Variants in CTNNA2 observed in about 807,000 individuals in gnomAD.
CTNNA2 encodes catenin alpha-2.
A neutral mutation model predicts 101.0 loss-of-function variants in CTNNA2; 42 were observed. The observed-to-expected ratio is 0.42, with a 90% confidence interval of 0.32 to 0.54. The LOEUF is 0.54. Among genes scored for constraint, CTNNA2 ranks in the 20% least tolerant of loss-of-function variants. CTNNA2 has a pLI of 0.14. For missense variants in CTNNA2, 871 were observed against 1,223.1 expected (o/e 0.71, Z 4.29); for synonymous variants, 450 against 456.4 (o/e 0.99, Z 0.18).
At chr2:80,435,978 G>A (rs893798576) in intron 9 of CTNNA2, among the ~76,000 whole-genome samples, 1 of 152,262 alleles carries the variant, frequency 6.6e-6, no homozygotes, top group East Asian at 1.9e-4. Flanking sequence ...TCTCTGCCTA[G>A]TGATCTCCTG....
In CTNNA2 at chr2:79,769,115, A is replaced by G. The variant is rs533313007; in HGVS notation, c.298+24533A>G. Among the ~76,000 whole-genome samples the G allele has an allele frequency of 2.0e-4, 31 of 152,204 alleles. No individual in the cohort carries two copies. The East Asian group carries it at 5.4e-3, about 27-fold the overall frequency. On this transcript the variant is annotated intron_variant, in intron 3 of 18. Transcript: ENST00000402739. Reference sequence around the variant, plus strand: ...CGTGATCCGCCCGGCTCGGCCTCCCAAAGTGCTGGGATTACAGGCATGAGC... The same window carrying G: ...CGTGATCCGCCCGGCTCGGCCTCCCGAAGTGCTGGGATTACAGGCATGAGC...
intron 3 of CTNNA2, among the ~76,000 whole-genome samples, chr2:79,803,522 C>T (rs1401793260): frequency 1.3e-5 from 2 of 152,240 alleles, no homozygotes; most frequent in African/African-American, 2.4e-5. Flanking sequence ...TCTTAAGGCA[C>T]AGATCGCTTA....
intron 7 of CTNNA2, among the ~76,000 whole-genome samples, chr2:79,930,296 GA>G (rs765790890): frequency 1.9e-4 from 3 of 15,966 alleles, no homozygotes; most frequent in African/African-American, 5.3e-4. Context: ...GAGAGAAAGA[GA>G]AAGAAAGAAA....
chr2:79,457,115 T>A (rs1670834274), intron 4 of CTNNA2, among the ~76,000 whole-genome samples: 1 of 149,202 alleles, frequency 6.7e-6, no homozygotes, highest in South Asian at 2.1e-4. Context: ...GGCAGGAGAA[T>A]GGCATGAACC....
At chr2:79,993,578 A>G (rs1198049321) in intron 7 of CTNNA2, among the ~76,000 whole-genome samples, 1 of 151,412 alleles carries the variant, frequency 6.6e-6, no homozygotes, top group Non-Finnish European at 1.5e-5. Flanking sequence ...GTTTCAGGAA[A>G]CTAGAATAGG....
rs537204273 is a variant in CTNNA2, at chr2:79,463,562, C to T, written c.-134-41492C>T. On this transcript the variant is annotated intron_variant, in intron 4 of 21. Transcript: ENST00000466387. ...AGGGCAGCCACCTAGAACATTCTTT[C>T]TTTGGATATAATCTTAAGTGAGCAG... is the stretch of plus-strand genomic sequence containing the variant. Among the ~76,000 whole-genome samples, 471 of 152,244 alleles carry T rather than the reference C, an allele frequency of 3.1e-3. 3 individuals are homozygous for T. Among genetic ancestry groups the T allele is most frequent in the Non-Finnish European group, 4.9e-3 (335 of 68,012 alleles).
intron 9 of CTNNA2, among the ~76,000 whole-genome samples, chr2:80,470,214 C>T (rs1161129354): frequency 1.3e-5 from 2 of 152,170 alleles, no homozygotes; most frequent in Non-Finnish European, 2.9e-5. Flanking sequence ...CTTTGTCTAC[C>T]ACTTTCTCTT....
At chr2:80,571,016 T>C (rs1573312618) in intron 12 of CTNNA2, among the ~76,000 whole-genome samples, 2 of 152,306 alleles carry the variant, frequency 1.3e-5, no homozygotes, top group African/African-American at 4.8e-5. Flanking sequence ...GAGGTGGTTT[T>C]AGCGAGATGG....
intron 1 of CTNNA2, chr2:79,514,835 A>G (rs72921155): frequency 0.19 from 29,274 of 152,194 alleles, 3,107 homozygotes; most frequent in African/African-American, 0.28. Context: ...ACCAAAATTA[A>G]TGGTGGATTC....
At chr2:80,555,159 A>ACTTG (rs1553385303) in intron 11 of CTNNA2, among the ~76,000 whole-genome samples, 1 of 152,100 alleles carries the variant, frequency 6.6e-6, no homozygotes, top group Non-Finnish European at 1.5e-5. Context: ...ACTGCGTGAT[A>ACTTG]TTTATTTTTC....
intron 7 of CTNNA2, among the ~76,000 whole-genome samples, chr2:79,968,223 A>AG (rs1690217641): frequency 6.6e-6 from 1 of 150,784 alleles, no homozygotes; most frequent in African/African-American, 2.5e-5. Context: ...TAAAAAAAAA[A>AG]CAGAGCTCAT....
intron 1 of CTNNA2, among the ~76,000 whole-genome samples, chr2:79,648,616 C>T (rs1471590298): frequency 6.6e-6 from 1 of 152,096 alleles, no homozygotes; most frequent in Non-Finnish European, 1.5e-5. Context: ...GAGCTTCTTA[C>T]CTTCTTCTAC....
At chr2:80,430,567 T>C (rs749651646) in intron 9 of CTNNA2, among the ~76,000 whole-genome samples, 16 of 152,120 alleles carry the variant, frequency 1.1e-4, no homozygotes, top group Non-Finnish European at 2.2e-4. Context: ...GTACATTCCT[T>C]ACCTGCCTAC....
chr2:79,742,764 AT>A (rs367709955), intron 2 of CTNNA2, among the ~76,000 whole-genome samples: 2 of 152,152 alleles, frequency 1.3e-5, no homozygotes, highest in Admixed American at 6.5e-5. Context: ...TGATTTTGCC[AT>A]TTTTTTGGCT....
intron 11 of CTNNA2, among the ~76,000 whole-genome samples, chr2:80,552,586 T>C (rs1227785330): frequency 6.6e-6 from 1 of 152,130 alleles, no homozygotes; most frequent in East Asian, 1.9e-4. Context: ...GCATATGTTC[T>C]GGGAAATGCA....
At chr2:80,123,514 A>G (rs1033247529) in intron 7 of CTNNA2, among the ~76,000 whole-genome samples, 2 of 152,020 alleles carry the variant, frequency 1.3e-5, no homozygotes, top group Admixed American at 1.3e-4. Flanking sequence ...AACACATGGT[A>G]TTCAACAGGA....
intron 9 of CTNNA2, among the ~76,000 whole-genome samples, chr2:80,541,713 T>C (rs1160870381): frequency 6.6e-6 from 1 of 151,656 alleles, no homozygotes; most frequent in Non-Finnish European, 1.5e-5. Flanking sequence ...CAGAGTCCAG[T>C]TACAGCACTC....
intron 7 of CTNNA2, among the ~76,000 whole-genome samples, chr2:80,202,577 C>T (rs1026892406): frequency 2.0e-5 from 3 of 152,086 alleles, no homozygotes; most frequent in Admixed American, 6.6e-5. Context: ...ATCTCTTTTA[C>T]ACAACTCAGT....
In CTNNA2 at chr2:80,439,869, G is replaced by A. The variant is rs146546182; in HGVS notation, c.1290+20268G>A. Reference sequence around the variant, plus strand: ...AGTTGGTAACAGACATGAGTCTAGAGTCCAAATTAACTGAGCATCTACTAT... The same window carrying A: ...AGTTGGTAACAGACATGAGTCTAGAATCCAAATTAACTGAGCATCTACTAT... On this transcript the variant is annotated intron_variant, in intron 9 of 18. Transcript: ENST00000402739. Among the ~76,000 whole-genome samples the A allele has an allele frequency of 1.8e-4, 27 of 152,298 alleles. No individual in the cohort carries two copies. In the East Asian group the frequency reaches 4.8e-3, roughly 27 times the overall value.
Sources: allele counts gnomAD v4.1 joint callset (sites outside exome capture counted in the v4.1 genomes callset), GRCh38; gene constraint gnomAD v4.1.1; transcripts MANE v1.5; gene names NCBI Gene and HGNC (gene_info 2026-07-23, HGNC 2026-07-21).